The following VRK2 variants were observed in gnomAD, a reference collection of about 807,000 sequenced individuals.
VRK2 encodes the protein serine/threonine-protein kinase VRK2.
VRK2 carries 60 observed loss-of-function variants against 57.6 expected under a neutral mutation model. The ratio of observed to expected loss-of-function variants is 1.04; its 90% CI spans 0.85 to 1.29. The LOEUF is 1.29. Among genes scored for constraint, VRK2 ranks in the 50% most tolerant of loss-of-function variants. The pLI is 0.00. For missense variants in VRK2, 705 were observed against 588.1 expected, an observed-to-expected ratio of 1.20 and a Z score of -2.06; for synonymous variants, 231 against 199.2, an observed-to-expected ratio of 1.16 and a Z score of -1.35.
intron 12 of VRK2, among the ~76,000 whole-genome samples, chr2:58,146,807 C>A (rs1413148084): frequency 5.9e-5 from 9 of 151,924 alleles, no homozygotes; most frequent in Non-Finnish European, 1.0e-4. Flanking sequence ...AAGTCTCACC[C>A]TTATAATCAA....
intron 1 of VRK2, among the ~76,000 whole-genome samples, chr2:58,001,951 C>G (rs17049290): frequency 0.021 from 3,222 of 151,964 alleles, 153 homozygotes; most frequent in African/African-American, 0.074. Context: ...ATATTCATAC[C>G]TTTGTGTGAC....
At position 58,150,645 on chromosome 2, in the gene VRK2, T is replaced by G. The variant is rs182203320; in HGVS notation, c.1182+4171T>G. Among the ~76,000 whole-genome samples the G allele has an allele frequency of 3.8e-4, 57 of 151,054 alleles. No individual in the cohort carries two copies. In the East Asian group the frequency reaches 0.01, roughly 27 times the overall value. On this transcript the variant is annotated intron_variant, in intron 12 of 12. Transcript: ENST00000340157. The stretch of plus-strand genomic sequence containing the variant: ...ACCATTGATATGTTTTCTGTTTCAC[T>G]AATTCTTTATCATTTGCTTGATTCT...
intron 1 of VRK2, among the ~76,000 whole-genome samples, chr2:57,974,686 A>T (rs1672195167): frequency 6.6e-6 from 1 of 151,936 alleles, no homozygotes; most frequent in Admixed American, 6.6e-5. Context: ...TCAATTATTA[A>T]ATAGAAAACA....
intron 12 of VRK2, among the ~76,000 whole-genome samples, chr2:58,151,421 T>C (rs530505490): frequency 6.6e-6 from 1 of 151,920 alleles, no homozygotes; most frequent in East Asian, 1.9e-4. Context: ...CATTTATACA[T>C]TGTATCCATT....
intron 7 of VRK2, among the ~76,000 whole-genome samples, chr2:58,105,267 C>T (rs961868760): frequency 6.6e-6 from 1 of 151,792 alleles, no homozygotes; most frequent in Non-Finnish European, 1.5e-5. Context: ...AGTGAACAGA[C>T]AACCTGCAGA....
chr2:57,914,507 G>A (rs1026530297), intron 1 of VRK2, among the ~76,000 whole-genome samples: 5 of 151,882 alleles, frequency 3.3e-5, no homozygotes, highest in East Asian at 1.9e-4. Context: ...TATAGATGAC[G>A]ACCTCTGCTA....
chr2:58,142,420 T>C (rs943287718), intron 11 of VRK2, among the ~76,000 whole-genome samples: 5 of 151,876 alleles, frequency 3.3e-5, no homozygotes, highest in African/African-American at 1.2e-4. Context: ...TTATTGGAGT[T>C]AAATTGGAAA....
intron 7 of VRK2, among the ~76,000 whole-genome samples, chr2:58,095,318 G>C (rs1408081259): frequency 3.4e-5 from 5 of 149,096 alleles, no homozygotes; most frequent in Non-Finnish European, 5.9e-5. Context: ...AAAAATACTT[G>C]TTGGCATTTT....
intron 11 of VRK2, among the ~76,000 whole-genome samples, chr2:58,144,068 A>G (rs1169442095): frequency 6.6e-6 from 1 of 151,908 alleles, no homozygotes; most frequent in Non-Finnish European, 1.5e-5. Context: ...TTATTCAGCC[A>G]TAAAAAGGAA....
intron 1 of VRK2, among the ~76,000 whole-genome samples, chr2:57,988,180 A>G (rs1672657269): frequency 6.6e-6 from 1 of 152,250 alleles, no homozygotes; most frequent in South Asian, 2.1e-4. Flanking sequence ...AGTTAAAAAA[A>G]ACTCATTTCA....
At chr2:58,142,899 G>A (rs925141328) in intron 11 of VRK2, among the ~76,000 whole-genome samples, 1 of 151,792 alleles carries the variant, frequency 6.6e-6, no homozygotes, top group Admixed American at 6.6e-5. Context: ...TTAGTATATT[G>A]TAATAGTGTA....
intron 2 of VRK2, among the ~76,000 whole-genome samples, chr2:58,032,406 A>G (rs566418395): frequency 7.9e-5 from 12 of 152,222 alleles, no homozygotes; most frequent in Admixed American, 7.2e-4. Flanking sequence ...TGACAGGTTC[A>G]TAAAATAGCA....
chr2:58,095,127 C>T (rs1372912159), intron 7 of VRK2, among the ~76,000 whole-genome samples: 1 of 152,014 alleles, frequency 6.6e-6, no homozygotes, highest in Non-Finnish European at 1.5e-5. Context: ...AACCCCACCT[C>T]TACTAAAAAT....
chr2:58,149,775 A>G (rs1025303427), intron 12 of VRK2, among the ~76,000 whole-genome samples: 1 of 151,686 alleles, frequency 6.6e-6, no homozygotes, highest in South Asian at 2.1e-4. Context: ...TGAGATGATC[A>G]CATGATTTTT....
intron 1 of VRK2, among the ~76,000 whole-genome samples, chr2:57,926,854 A>G (rs1670555698): frequency 6.6e-6 from 1 of 150,998 alleles, no homozygotes; most frequent in African/African-American, 2.4e-5. Context: ...GTTTTTTTAT[A>G]TTCAATGTTC....
At chr2:58,046,096 C>T (rs778639430), upstream of VRK2, among the ~76,000 whole-genome samples, 3 of 152,148 alleles carry the variant, frequency 2.0e-5, no homozygotes, top group Non-Finnish European at 4.4e-5. Context: ...CCACCCGCCT[C>T]GGCCTCCCAA....
intron 7 of VRK2, among the ~76,000 whole-genome samples, chr2:58,103,571 A>G (rs1367852828): frequency 1.3e-5 from 2 of 151,798 alleles, no homozygotes; most frequent in Non-Finnish European, 3.0e-5. Flanking sequence ...GAAGAGACCA[A>G]TACGAAAGTA....
At chr2:58,106,291 G>T (rs1450359964) in intron 7 of VRK2, among the ~76,000 whole-genome samples, 1 of 151,956 alleles carries the variant, frequency 6.6e-6, no homozygotes, top group Non-Finnish European at 1.5e-5. Flanking sequence ...GCTAGCCTAT[G>T]AACTATTGAG....
intron 1 of VRK2, among the ~76,000 whole-genome samples, chr2:57,918,731 A>T (rs1262271635): frequency 1.3e-5 from 2 of 152,104 alleles, no homozygotes; most frequent in African/African-American, 4.8e-5. Flanking sequence ...AAGAAAACTC[A>T]CTTCTACTTT....
Sources: allele counts gnomAD v4.1 joint callset (sites outside exome capture counted in the v4.1 genomes callset), GRCh38; gene constraint gnomAD v4.1.1; transcripts MANE v1.5; gene names NCBI Gene and HGNC (gene_info 2026-07-23, HGNC 2026-07-21).